ITIH6: variants seen among roughly 807,000 people sequenced by gnomAD.
The protein encoded by ITIH6 is inter-alpha-trypsin inhibitor heavy chain family member 6.
Under a neutral mutation model 58.2 loss-of-function variants are expected in ITIH6, and 60 were observed. The ratio of observed to expected loss-of-function variants is 1.03; its 90% CI spans 0.84 to 1.28. The LOEUF is 1.28. Among genes scored for constraint, ITIH6 ranks in the 50% most tolerant of loss-of-function variants. ITIH6 has a pLI of 0.00. For synonymous variants in ITIH6, 493 were observed against 417.4 expected (o/e 1.18, Z -2.21); for missense variants, 1,290 against 1,021.1 (o/e 1.26, Z -3.59).
chrX:54,756,751 C>T (rs913320781), intron 8 of ITIH6, among the ~76,000 whole-genome samples: 1 of 111,439 alleles, frequency 9.0e-6, no homozygotes, highest in African/African-American at 3.3e-5. Context: ...CCCAAGGCCT[C>T]TAATTCCATG....
chrX:54,762,872 A>C (rs1169692675), intron 6 of ITIH6, among the ~76,000 whole-genome samples: 1 of 112,146 alleles, frequency 8.9e-6, no homozygotes, highest in Non-Finnish European at 1.9e-5. Flanking sequence ...GGTATCATTT[A>C]CAGGACACTT....
chrX:54,761,848 G>C (rs1433223910), intron 6 of ITIH6, among the ~76,000 whole-genome samples: 3 of 112,016 alleles, frequency 2.7e-5, no homozygotes, highest in East Asian at 2.8e-4. Context: ...TAGCCTTGTA[G>C]TATAGTTTGA....
At chrX:54,756,386 AT>A (rs1248122546) in intron 8 of ITIH6, among the ~76,000 whole-genome samples, 1 of 112,131 alleles carries the variant, frequency 8.9e-6, no homozygotes, top group African/African-American at 3.2e-5. Flanking sequence ...CACGTGTAAA[AT>A]GACGATGTCA....
rs1569543815 is a variant in ITIH6, at chrX:54,753,959, A to C, written c.3209T>G (p.Leu1070Trp). The C allele has an allele frequency of 8.3e-7, 1 of 1,209,440 alleles. No homozygotes were observed. Among genetic ancestry groups the C allele is most frequent in the Non-Finnish European group, 1.1e-6 (1 of 894,072 alleles). The change falls in exon 10 of 13, where the codon TTG (leucine) becomes TGG (tryptophan). Residue 1070 changes from leucine to tryptophan, a missense_variant. Leu to Trp is a moderately conservative substitution (Grantham distance 61). Transcript: ENST00000218436. ...GSSVGLAKGT[L>W]PSIFTFSSSV... ...GGAGGAGAAGGTGAAGATGCTAGGC[A>C]ATGTGCCTGCAAAGGAGAGAGAGAC...
At chrX:54,776,521 C>T (rs1929056584) in intron 5 of ITIH6, among the ~76,000 whole-genome samples, 1 of 109,702 alleles carries the variant, frequency 9.1e-6, no homozygotes, top group Non-Finnish European at 1.9e-5. Context: ...CAGCTTGTGG[C>T]TCCAAAAGAG....
intron 4 of ITIH6, among the ~76,000 whole-genome samples, chrX:54,789,319 A>C (rs1929301992): frequency 2.7e-5 from 3 of 111,451 alleles, no homozygotes; most frequent in Non-Finnish European, 5.7e-5. Flanking sequence ...TAGAAATGTC[A>C]CTGTGCCTCC....
Position 54,757,365 on chromosome X carries a change from T to A in ITIH6, c.2709A>T (p.Thr903=). ...TGGAACTTGAGATTGTATTTGGGAA[T>A]GTGCTTAGGCTCTCAGGAAGTGGGG... ...PRPPLPESLS[T]FPNTISSSTG... The change falls in exon 8 of 13, where the codon ACA becomes ACT. Residue 903 remains threonine (T), a synonymous_variant. Transcript: ENST00000218436. 3 of 1,207,833 alleles carry A rather than the reference T, an allele frequency of 2.5e-6. No homozygotes were observed. The highest frequency in any genetic ancestry group is 3.4e-6 in the Non-Finnish European group (3 of 893,530).
chrX:54,759,980 G>A, intron 6 of ITIH6, 53 bp from the exon 7 acceptor site: 1 of 1,017,103 alleles, frequency 9.8e-7, no homozygotes, highest in Non-Finnish European at 1.4e-6. Context: ...AGGTCTATGA[G>A]ATTGAAAGGC....
chrX:54,795,390 A>G (rs1460979455), intron 2 of ITIH6, among the ~76,000 whole-genome samples: 1 of 112,588 alleles, frequency 8.9e-6, no homozygotes, highest in Non-Finnish European at 1.9e-5. Flanking sequence ...TGCATAAATG[A>G]ATAAGTATAT....
chrX:54,752,329 T>C (rs755106229), intron 11 of ITIH6, among the ~76,000 whole-genome samples: 152 of 111,773 alleles, frequency 1.4e-3, no homozygotes, highest in Middle Eastern at 4.2e-3. Flanking sequence ...CTGCTAAAAT[T>C]GAAGGAAGAA....
At chrX:54,782,670 A>G (rs2147617137) in intron 5 of ITIH6, among the ~76,000 whole-genome samples, 1 of 111,915 alleles carries the variant, frequency 8.9e-6, no homozygotes, top group African/African-American at 3.2e-5. Context: ...ACAGAACAAT[A>G]ACATGCAACA....
rs142183856 is a variant in ITIH6, at chrX:54,751,014, C to T, written c.3719G>A (p.Arg1240His). The change falls in exon 12 of 13, where the codon CGT becomes CAT. Residue 1240 changes from arginine (R) to histidine (H), a missense_variant. By Grantham distance (29) the Arg-to-His change is conservative (BLOSUM62 0). Transcript: ENST00000218436. Reference protein sequence around the residue: ...ANGSGLSPSARGLIGQFQHAD... With the variant: ...ANGSGLSPSAHGLIGQFQHAD... ...TCAGCTGCACTTACCTATCAGGCCA[C>T]GGGCTGAGGGGCTGAGGCCTGAGCC... 41 of 1,158,890 alleles carry T rather than the reference C, an allele frequency of 3.5e-5. No individual in the cohort carries two copies. In the African/African-American group the frequency reaches 4.1e-4, roughly 12 times the overall value.
In ITIH6 at chrX:54,757,001, G is replaced by T. The variant is rs62624963; in HGVS notation, c.3073C>A (p.Pro1025Thr). Residue 1025 changes from proline to threonine, a missense_variant, in exon 8 of 13, where the codon CCA becomes ACA. Physicochemically the swap from Pro to Thr is conservative, Grantham distance 38. Transcript: ENST00000218436. ...ESKFVESLNP[P>T]AFYTFLTPDE... ...GGAGTGAGGAAGGTATAGAAAGCTGGTGGGTTCAAGGACTCCACGAACTTG... is the reference window on the plus strand; with the variant it reads ...GGAGTGAGGAAGGTATAGAAAGCTGTTGGGTTCAAGGACTCCACGAACTTG... 6.7e-4 allele frequency: 802 copies of T among 1,200,988 alleles called. 3 individuals carry two copies. The African/African-American group carries it at 0.012, about 18-fold the overall frequency.
rs752595046 is a variant in ITIH6 at position 54,757,764 on chromosome X, C to T, written c.2310G>A (p.Ser770=). ...CACATTTCACAGTGTCAGCTTTGGG[C>T]GAGGCTGGGATGCCAGGTTTCACAG... The part of the protein sequence containing the change: ...VPPVKPGIPA[S]PKADTVKCVT... Residue 770 remains serine, a synonymous_variant, in exon 8 of 13, where the codon TCG becomes TCA. Coordinates refer to ENST00000218436, the MANE Select transcript of ITIH6 (RefSeq NM_198510.3). 59 of 1,209,340 alleles carry T rather than the reference C, an allele frequency of 4.9e-5. No homozygotes were observed. The highest frequency in any genetic ancestry group is 1.3e-4 in the Admixed American group (6 of 45,672).
intron 5 of ITIH6, among the ~76,000 whole-genome samples, chrX:54,780,194 T>G (rs1264265059): frequency 9.0e-6 from 1 of 111,091 alleles, no homozygotes; most frequent in East Asian, 2.8e-4. Flanking sequence ...TTATAGAACA[T>G]TTCATCCAAT....
chrX:54,753,584 G>A (rs766692175), intron 11 of ITIH6, 67 bp downstream of exon 11: 44 of 786,482 alleles, frequency 5.6e-5, no homozygotes, highest in African/African-American at 8.2e-5. Context: ...ACCCACAAAT[G>A]TCTAGGGGTA....
intron 9 of ITIH6, among the ~76,000 whole-genome samples, chrX:54,754,774 T>A (rs1427256352): frequency 1.8e-5 from 2 of 112,269 alleles, no homozygotes; most frequent in Non-Finnish European, 1.9e-5. Flanking sequence ...ACAGACACCT[T>A]GATTTCAATC....
At chrX:54,759,089 C>T (rs1226545574) in intron 7 of ITIH6, 91 bp from the exon 8 acceptor site, 1 of 617,492 alleles carries the variant, frequency 1.6e-6, no homozygotes, top group Non-Finnish European at 2.4e-6. Flanking sequence ...TTCCCAGGCT[C>T]ACAGCTCCTT....
In ITIH6 at chrX:54,758,892, G is replaced by A. The variant is rs765782439; in HGVS notation, c.1182C>T (p.Phe394=). 28 of 1,209,001 alleles carry A rather than the reference G, an allele frequency of 2.3e-5. No individual in the cohort carries two copies. In the East Asian group the frequency reaches 3.9e-4, roughly 17 times the overall value. ...CGGCCGTGGGCTCCCCATCCGTCAGGAAGATGATAAGAGGGATCCTCCCCA... is the reference window on the plus strand; with the variant it reads ...CGGCCGTGGGCTCCCCATCCGTCAGAAAGATGATAAGAGGGATCCTCCCCA... The part of the protein sequence containing the change: ...PSVGRIPLII[F]LTDGEPTAGV... The change falls in exon 8 of 13, where the codon TTC becomes TTT. Residue 394 remains phenylalanine (F), a synonymous_variant. Transcript: ENST00000218436.
Sources: gnomAD v4.1 joint callset for allele counts (sites outside exome capture counted in the v4.1 genomes callset) on GRCh38, gnomAD v4.1.1 for gene constraint, MANE v1.5 for transcripts, NCBI Gene and HGNC (gene_info 2026-07-23, HGNC 2026-07-21) for gene names.